DISC1: variants seen among roughly 807,000 people sequenced by gnomAD.
DISC1 encodes the protein disrupted in schizophrenia 1 protein.
Under a neutral mutation model 84.5 loss-of-function variants are expected in DISC1, and 57 were observed. That is an observed-to-expected ratio of 0.67 (90% CI 0.55 to 0.84). The LOEUF is 0.84. DISC1 is among the 40% of genes least tolerant of loss of function. DISC1 has a pLI of 0.00. For synonymous variants in DISC1, 411 were observed against 415.2 expected (o/e 0.99, Z 0.12); for missense variants, 1,000 against 1,057.8 (o/e 0.95, Z 0.76).
intron 11 of DISC1, among the ~76,000 whole-genome samples, chr1:232,016,018 G>A (rs1236508656): frequency 2.0e-5 from 3 of 152,160 alleles, no homozygotes; most frequent in Non-Finnish European, 2.9e-5. Flanking sequence ...GAGGGAAAGA[G>A]TAGATACCAC....
Position 231,818,474 on chromosome 1 carries a change from C to T in DISC1, c.1938C>T (p.Tyr646=). Residue 646 remains tyrosine (Y), a synonymous_variant, in exon 9 of 13, where the codon TAC becomes TAT. Coordinates refer to ENST00000439617, the MANE Select transcript of DISC1 (RefSeq NM_018662.3). ...VKKLGSVKED[Y]NRLRREVEHQ... is the part of the protein sequence containing the mutation. ...AGCTGGGAAGTGTTAAAGAAGATTA[C>T]AACAGACTGAGAAGAGAAGTGGAGC... 1 of 1,614,144 alleles carries T rather than the reference C, an allele frequency of 6.2e-7. No homozygotes were observed. The highest frequency in any genetic ancestry group is 8.5e-7 in the Non-Finnish European group (1 of 1,180,024).
At chr1:231,764,184 A>G (rs1330540979) in intron 4 of DISC1, among the ~76,000 whole-genome samples, 1 of 152,224 alleles carries the variant, frequency 6.6e-6, no homozygotes, top group Non-Finnish European at 1.5e-5. Flanking sequence ...TGTCAGAGCC[A>G]CAGATGTCTG....
intron 9 of DISC1, among the ~76,000 whole-genome samples, chr1:231,936,410 G>A (rs4658891): frequency 0.16 from 24,379 of 152,162 alleles, 3,007 homozygotes; most frequent in East Asian, 0.68. Context: ...AGGTGAGGTG[G>A]CATGTGACAG....
chr1:231,769,542 T>A (rs2076402099), intron 5 of DISC1, among the ~76,000 whole-genome samples: 2 of 152,260 alleles, frequency 1.3e-5, no homozygotes, highest in African/African-American at 4.8e-5. Context: ...TCCACTTGTC[T>A]GAGTTACCTA....
intron 10 of DISC1, among the ~76,000 whole-genome samples, chr1:232,004,859 C>G (rs1202963818): frequency 9.0e-6 from 1 of 111,554 alleles, no homozygotes. Context: ...CTCCCTCCCT[C>G]CCTCCCTGCC....
intron 1 of DISC1, among the ~76,000 whole-genome samples, chr1:231,663,623 C>G (rs2061742956): frequency 6.6e-6 from 1 of 152,206 alleles, no homozygotes; most frequent in African/African-American, 2.4e-5. Context: ...TCCATCCCCA[C>G]TAGGAAGCCT....
At chr1:231,888,790 A>G (rs1027985368) in intron 9 of DISC1, among the ~76,000 whole-genome samples, 1 of 150,228 alleles carries the variant, frequency 6.7e-6, no homozygotes, top group African/African-American at 2.4e-5. Flanking sequence ...CCCCATCCAC[A>G]GGGCTGCTGC....
intron 10 of DISC1, among the ~76,000 whole-genome samples, chr1:231,966,504 C>T (rs868052701): frequency 9.2e-5 from 14 of 152,328 alleles, no homozygotes; most frequent in Middle Eastern, 6.8e-3. Context: ...ATATCTCTAA[C>T]CATTGTACAG....
intron 11 of DISC1, among the ~76,000 whole-genome samples, chr1:232,016,875 G>A (rs984521952): frequency 9.9e-5 from 15 of 152,102 alleles, no homozygotes; most frequent in African/African-American, 3.1e-4. Context: ...GGGAGTAACC[G>A]TATAATTTGA....
chr1:231,989,244 A>G (rs574456155), intron 10 of DISC1, among the ~76,000 whole-genome samples: 41 of 152,314 alleles, frequency 2.7e-4, no homozygotes, highest in African/African-American at 9.6e-4. Flanking sequence ...TGAGATGGAG[A>G]AAATAGGTCT....
At chr1:231,926,957 C>T (rs1032385863) in intron 9 of DISC1, among the ~76,000 whole-genome samples, 2 of 152,188 alleles carry the variant, frequency 1.3e-5, no homozygotes, top group Non-Finnish European at 2.9e-5. Context: ...CTATTGGCCT[C>T]CTGGAATTTT....
chr1:231,879,207 A>C (rs1449845535), intron 9 of DISC1, among the ~76,000 whole-genome samples: 4 of 151,990 alleles, frequency 2.6e-5, no homozygotes, highest in African/African-American at 4.8e-5. Flanking sequence ...GCGTCATGTC[A>C]GTGTTCAAAA....
chr1:231,713,696 TATAGGAG>T (rs1355646432), intron 3 of DISC1, among the ~76,000 whole-genome samples: 9 of 110,052 alleles, frequency 8.2e-5, no homozygotes, highest in African/African-American at 3.7e-4. Context: ...TATATATATA[TATAGGAG>T]ATATATATAT....
At chr1:231,920,096 C>G (rs1187793483) in intron 9 of DISC1, among the ~76,000 whole-genome samples, 1 of 152,152 alleles carries the variant, frequency 6.6e-6, no homozygotes. Flanking sequence ...TCCCCTCCCC[C>G]ACTCTCAGTT....
intron 1 of DISC1, chr1:231,684,865 C>A (rs1187617510): frequency 1.3e-5 from 2 of 152,214 alleles, no homozygotes; most frequent in Non-Finnish European, 2.9e-5. Flanking sequence ...GACAGGAAAA[C>A]AGCGACAGAG....
At chr1:231,639,704 A>G (rs2059478949) in intron 1 of DISC1, among the ~76,000 whole-genome samples, 1 of 152,170 alleles carries the variant, frequency 6.6e-6, no homozygotes, top group South Asian at 2.1e-4. Flanking sequence ...TCAGCCCTCA[A>G]TTTACACAGT....
intron 10 of DISC1, among the ~76,000 whole-genome samples, chr1:232,005,015 T>C (rs1667223641): frequency 8.5e-6 from 1 of 117,220 alleles, no homozygotes; most frequent in Non-Finnish European, 1.8e-5. Context: ...CTTCCTTCCC[T>C]CTCTCCCTCC....
At chr1:231,820,601 A>G (rs1418304686) in intron 9 of DISC1, among the ~76,000 whole-genome samples, 10 of 152,222 alleles carry the variant, frequency 6.6e-5, no homozygotes, top group Non-Finnish European at 1.5e-5. Context: ...TCAGGAACCC[A>G]GACTCTTCTA....
intron 6 of DISC1, among the ~76,000 whole-genome samples, chr1:231,787,521 C>T (rs1488961811): frequency 6.6e-6 from 1 of 152,116 alleles, no homozygotes; most frequent in African/African-American, 2.4e-5. Context: ...CCCACTCCCC[C>T]AGTAATGATA....
Sources: gnomAD v4.1 joint callset for allele counts (sites outside exome capture counted in the v4.1 genomes callset) on GRCh38, gnomAD v4.1.1 for gene constraint, MANE v1.5 for transcripts, NCBI Gene and HGNC (gene_info 2026-07-23, HGNC 2026-07-21) for gene names.